MYOM2: variants seen among roughly 807,000 people sequenced by gnomAD.
MYOM2 encodes the protein myomesin-2.
Under a neutral mutation model 187.6 loss-of-function variants are expected in MYOM2, and 254 were observed. The ratio of observed to expected loss-of-function variants is 1.35; its 90% CI spans 1.22 to 1.50. The LOEUF is 1.50. Among genes scored for constraint, MYOM2 ranks in the 40% most tolerant of loss-of-function variants. MYOM2 has a pLI of 0.00. For synonymous variants in MYOM2, 981 were observed against 753.8 expected (o/e 1.30, Z -4.94); for missense variants, 2,796 against 1,924.0 (o/e 1.45, Z -8.48).
intron 12 of MYOM2, 152 bp downstream of exon 12, chr8:2,079,085 A>G (rs1221394496): frequency 5.8e-6 from 4 of 694,670 alleles, no homozygotes; most frequent in African/African-American, 1.8e-5. Context: ...GTTCTCTGAC[A>G]TCTCCACCAA....
intron 31 of MYOM2, among the ~76,000 whole-genome samples, chr8:2,128,811 A>C (rs989670690): frequency 1.2e-4 from 18 of 152,170 alleles, no homozygotes; most frequent in African/African-American, 4.3e-4. Flanking sequence ...TTTGCCATGC[A>C]CTGTTGTTAT....
Position 2,117,879 on chromosome 8 carries a change from C to A in MYOM2, c.3386-6C>A, listed in dbSNP as rs757393293. The stretch of plus-strand genomic sequence containing the variant: ...TATATGTTTTCTTCCCTTTTTTCCT[C>A]CCTAGGCCCTCATTTTGCTGAGTAC... On this transcript the variant is annotated splice_polypyrimidine_tract_variant and splice_region_variant and intron_variant, in intron 27 of 36. Coordinates refer to ENST00000262113, the MANE Select transcript of MYOM2 (RefSeq NM_003970.4). The A allele has an allele frequency of 1.9e-6, 3 of 1,605,752 alleles. No individual in the cohort carries two copies. In the South Asian group the frequency reaches 3.4e-5, roughly 18 times the overall value.
chr8:2,069,390 G>A (rs76840052), intron 7 of MYOM2, 24 bp downstream of exon 7: 54,620 of 1,613,812 alleles, frequency 0.034, 1,108 homozygotes, highest in South Asian at 0.05. Context: ...GGGCTTTCAC[G>A]GGGCACCTCC....
In MYOM2 at chr8:2,078,798, C is replaced by G; in HGVS notation, c.1327C>G (p.Pro443Ala). 1.2e-6 allele frequency: 2 copies of G among 1,614,070 alleles called. No homozygotes were observed. Among genetic ancestry groups the G allele is most frequent in the Non-Finnish European group, 8.5e-7 (1 of 1,180,028 alleles). Reference sequence around the variant, plus strand: ...TGCACCGGTGAAAATCTGCAAATACCCGGTCACAGGGCTTTTTGAAGGAAG... The same window carrying G: ...TGCACCGGTGAAAATCTGCAAATACGCGGTCACAGGGCTTTTTGAAGGAAG... The part of the protein sequence containing the change: ...NDAPVKICKY[P>A]VTGLFEGRSY... The change falls in exon 12 of 37, where the codon CCG (proline) becomes GCG (alanine). Residue 443 changes from proline to alanine, a missense_variant. Pro to Ala is a conservative substitution (Grantham distance 27). Coordinates refer to ENST00000262113, the MANE Select transcript of MYOM2 (RefSeq NM_003970.4).
intron 6 of MYOM2, among the ~76,000 whole-genome samples, chr8:2,067,496 G>A (rs548427492): frequency 1.3e-5 from 2 of 152,284 alleles, no homozygotes; most frequent in East Asian, 3.9e-4. Context: ...TGTTTTCCAG[G>A]CTACTTGAGG....
chr8:2,064,209 C>A (rs1286786414), intron 6 of MYOM2, among the ~76,000 whole-genome samples: 1 of 152,200 alleles, frequency 6.6e-6, no homozygotes. Context: ...AGGGGGCAAA[C>A]CCTGGGAGGC....
chr8:2,096,464 T>A, intron 18 of MYOM2, 30 bp downstream of exon 18: 2 of 1,607,262 alleles, frequency 1.2e-6, no homozygotes, highest in Middle Eastern at 3.3e-4. Flanking sequence ...TTCGTCTATT[T>A]TTGCCTGGGT....
chr8:2,072,080 C>T (rs369853874), intron 8 of MYOM2, among the ~76,000 whole-genome samples: 22 of 152,296 alleles, frequency 1.4e-4, no homozygotes, highest in East Asian at 1.4e-3. Context: ...GGGGCGGTGA[C>T]AAAGACGTGC....
intron 25 of MYOM2, among the ~76,000 whole-genome samples, chr8:2,113,428 G>A (rs1412597550): frequency 6.6e-6 from 1 of 152,216 alleles, no homozygotes; most frequent in East Asian, 1.9e-4. Flanking sequence ...GCTGGGAGCA[G>A]GTGAAGGCCT....
At chr8:2,104,838 T>G (rs888983029) in intron 21 of MYOM2, among the ~76,000 whole-genome samples, 3 of 152,144 alleles carry the variant, frequency 2.0e-5, no homozygotes, top group African/African-American at 7.2e-5. Context: ...TCCATTCCAG[T>G]TTAACCAACC....
At chr8:2,127,569 C>T (rs1028500492) in intron 31 of MYOM2, among the ~76,000 whole-genome samples, 1 of 152,108 alleles carries the variant, frequency 6.6e-6, no homozygotes, top group South Asian at 2.1e-4. Context: ...GAAGTCCAGG[C>T]AGGCAGTACC....
At chr8:2,129,858 C>T (rs1305407246) in intron 32 of MYOM2, among the ~76,000 whole-genome samples, 1 of 152,170 alleles carries the variant, frequency 6.6e-6, no homozygotes, top group African/African-American at 2.4e-5. Flanking sequence ...AGGCAAACTG[C>T]TGGCTGAATC....
chr8:2,083,331 G>A (rs73657722), intron 13 of MYOM2, among the ~76,000 whole-genome samples: 4,998 of 135,254 alleles, frequency 0.037, 284 homozygotes, highest in African/African-American at 0.13. Context: ...AGTGTCTCAC[G>A]TGTGCTTAGC....
chr8:2,109,733 C>G (rs935714650), intron 25 of MYOM2, among the ~76,000 whole-genome samples: 5 of 152,172 alleles, frequency 3.3e-5, no homozygotes, highest in African/African-American at 7.2e-5. Context: ...CAGGAGACAT[C>G]AGGAGTCTTT....
chr8:2,058,584 T>C (rs1818751104), intron 5 of MYOM2, among the ~76,000 whole-genome samples: 1 of 152,208 alleles, frequency 6.6e-6, no homozygotes, highest in African/African-American at 2.4e-5. Flanking sequence ...CGTATATATC[T>C]ATGTGCATTT....
intron 6 of MYOM2, among the ~76,000 whole-genome samples, chr8:2,062,419 T>C (rs116366050): frequency 9.5e-4 from 144 of 151,826 alleles, no homozygotes; most frequent in African/African-American, 3.5e-3. Flanking sequence ...TGGGAAGAAG[T>C]GGGTGCTCTG....
At chr8:2,079,033 G>C (rs1819531957) in intron 12 of MYOM2, 100 bp downstream of exon 12, 4 of 1,157,652 alleles carry the variant, frequency 3.5e-6, no homozygotes, top group Non-Finnish European at 3.8e-6. Flanking sequence ...TGTGAGCCCT[G>C]AGAATGCCCT....
intron 2 of MYOM2, 135 bp downstream of exon 2, chr8:2,051,008 C>T: frequency 1.5e-6 from 1 of 673,784 alleles, no homozygotes; most frequent in Non-Finnish European, 2.6e-6. Context: ...GGCAGCCTCT[C>T]CCGTGCCCAG....
chr8:2,109,147 C>A (rs953237309), intron 24 of MYOM2: 3 of 531,742 alleles, frequency 5.6e-6, no homozygotes, highest in South Asian at 3.0e-5. Context: ...TAGAAAGAAT[C>A]CAGGCATCTT....
Sources: allele counts gnomAD v4.1 joint callset (sites outside exome capture counted in the v4.1 genomes callset), GRCh38; gene constraint gnomAD v4.1.1; transcripts MANE v1.5; gene names NCBI Gene and HGNC (gene_info 2026-07-23, HGNC 2026-07-21).